Variants in SWAP70 observed in about 807,000 individuals in gnomAD.
The protein encoded by SWAP70 is switching B cell complex subunit SWAP70, also known as switch-associated protein 70.
A neutral mutation model predicts 80.2 loss-of-function variants in SWAP70; 34 were observed. The observed-to-expected ratio is 0.42, with a 90% CI of 0.32 to 0.56. The LOEUF (loss-of-function observed/expected upper bound fraction) is 0.56. SWAP70 is among the 20% of genes least tolerant of loss of function. SWAP70 has a pLI of 0.09. For missense variants in SWAP70, 578 were observed against 690.7 expected, an observed-to-expected ratio of 0.84 and a Z score of 1.83; for synonymous variants, 239 against 238.5, an observed-to-expected ratio of 1.00 and a Z score of -0.02.
intron 4 of SWAP70, chr11:9,726,802 T>G: frequency 2.2e-6 from 1 of 450,844 alleles, no homozygotes; most frequent in South Asian, 1.6e-5. Flanking sequence ...GTCACACACC[T>G]TTGAGGCCAG....
At chr11:9,698,011 C>A (rs998589667) in intron 2 of SWAP70, among the ~76,000 whole-genome samples, 12 of 152,012 alleles carry the variant, frequency 7.9e-5, no homozygotes, top group Admixed American at 7.9e-4. Flanking sequence ...GTCTTGAACT[C>A]CTGCCCTCAT....
Position 9,732,651 on chromosome 11 carries a change from A to G in SWAP70, c.1021A>G (p.Met341Val), listed in dbSNP as rs1590043818. The change falls in exon 7 of 12, where the codon ATG (methionine) becomes GTG (valine). Residue 341 changes from methionine (M) to valine (V), a missense_variant. Transcript: ENST00000318950. ...LAEQEELERQ[M>V]KELQAANESK... ...TGAACAAGAGGAACTGGAGCGACAAATGAAGGAACTCCAGGCCGCCAACGA... is the reference window on the plus strand; with the variant it reads ...TGAACAAGAGGAACTGGAGCGACAAGTGAAGGAACTCCAGGCCGCCAACGA... 3 of 1,573,566 alleles carry G rather than the reference A, an allele frequency of 1.9e-6. No individual in the cohort carries two copies. The highest frequency in any genetic ancestry group is 3.7e-5 in the Admixed American group (2 of 54,750).
At chr11:9,696,939 T>C (rs4993191) in intron 2 of SWAP70, among the ~76,000 whole-genome samples, 101,806 of 151,974 alleles carry the variant, frequency 0.67, 34,450 homozygotes, top group South Asian at 0.85. Context: ...CAGCTGGGCA[T>C]GGTGGCTTAT....
intron 1 of SWAP70, among the ~76,000 whole-genome samples, chr11:9,671,529 T>G (rs1334095649): frequency 1.3e-4 from 11 of 84,256 alleles, no homozygotes; most frequent in Admixed American, 6.3e-4. Context: ...TATAAATATA[T>G]AAATATATAG....
rs1024994728 is a variant in SWAP70 at position 9,664,189 on chromosome 11, T to C, written c.10T>C (p.Leu4=). 2.5e-6 allele frequency: 4 copies of C among 1,581,492 alleles called. No individual in the cohort carries two copies. In the African/African-American group the frequency reaches 4.1e-5, roughly 16 times the overall value. MGS[L]KEELLKAIWH... is the part of the protein sequence containing the mutation. ...CAGCAGGGCCGCGGCCATGGGGAGC[T>C]TGAAGGAGGAGCTGCTCAAAGCCAT... Residue 4 remains leucine (L), a synonymous_variant, in exon 1 of 12, where the codon TTG becomes CTG. Transcript: ENST00000318950.
At position 9,749,851 on chromosome 11, in the gene SWAP70, G is replaced by A; in HGVS notation, c.1652-13G>A. 2 of 1,555,968 alleles carry A rather than the reference G, an allele frequency of 1.3e-6. No individual in the cohort carries two copies. The highest frequency in any genetic ancestry group is 1.8e-6 in the Non-Finnish European group (2 of 1,127,434). On this transcript the variant is annotated splice_polypyrimidine_tract_variant and intron_variant, in intron 11 of 11. Transcript: ENST00000318950. The stretch of plus-strand genomic sequence containing the variant: ...ATAATACTTCCTGTATTTAAAGCAT[G>A]TTTGCCTCTTAGGTTCAAAGAACCC...
intron 1 of SWAP70, among the ~76,000 whole-genome samples, chr11:9,685,242 G>A (rs961592245): frequency 9.2e-5 from 14 of 151,976 alleles, no homozygotes; most frequent in Non-Finnish European, 1.6e-4. Context: ...CATGCTTTGT[G>A]GGTGGCTCAG....
chr11:9,696,443 GT>G (rs1850757988), intron 2 of SWAP70, among the ~76,000 whole-genome samples: 1 of 152,154 alleles, frequency 6.6e-6, no homozygotes, highest in Admixed American at 6.5e-5. Context: ...AGTAACCAGT[GT>G]TAATAATTTA....
At chr11:9,725,230 G>A (rs1851193384) in intron 4 of SWAP70, among the ~76,000 whole-genome samples, 2 of 151,762 alleles carry the variant, frequency 1.3e-5, no homozygotes, top group East Asian at 3.9e-4. Flanking sequence ...CACCCACGTC[G>A]GCCTCCCAAA....
chr11:9,686,574 C>A (rs1850635816), intron 1 of SWAP70, among the ~76,000 whole-genome samples: 1 of 151,884 alleles, frequency 6.6e-6, no homozygotes, highest in Non-Finnish European at 1.5e-5. Context: ...GTCTTGAACT[C>A]CTGGGCTCAA....
chr11:9,715,073 CAG>C (rs1590034258), intron 3 of SWAP70, among the ~76,000 whole-genome samples: 1 of 150,098 alleles, frequency 6.7e-6, no homozygotes, highest in Non-Finnish European at 1.5e-5. Flanking sequence ...CTCCTGGGCT[CAG>C]GGGATCCTCC....
At chr11:9,735,178 G>A (rs755396597) in intron 7 of SWAP70, among the ~76,000 whole-genome samples, 93 of 151,952 alleles carry the variant, frequency 6.1e-4, no homozygotes, top group Non-Finnish European at 9.9e-4. Context: ...CCCCACTTAT[G>A]AATTTCCACC....
intron 2 of SWAP70, among the ~76,000 whole-genome samples, chr11:9,702,501 T>A (rs1850846181): frequency 6.6e-6 from 1 of 151,902 alleles, no homozygotes; most frequent in Non-Finnish European, 1.5e-5. Context: ...AACCTTGCCC[T>A]GCTGGTCTCA....
At position 9,674,153 on chromosome 11, in the gene SWAP70, G is replaced by C. The variant is rs547430724; in HGVS notation, c.99+9875G>C. 2.3e-3 allele frequency among the ~76,000 whole-genome samples: 350 copies of C among 152,064 alleles called. 1 individual carries two copies. The highest frequency in any genetic ancestry group is 8.0e-3 in the African/African-American group (331 of 41,484). Reference sequence around the variant, plus strand: ...TGACCTCAAGTGATCTGCCCACCTCGGCCTCCCAAAGTGCTGGGATTACAG... The same window carrying C: ...TGACCTCAAGTGATCTGCCCACCTCCGCCTCCCAAAGTGCTGGGATTACAG... On this transcript the variant is annotated intron_variant, in intron 1 of 11. Coordinates refer to ENST00000318950, the MANE Select transcript of SWAP70 (RefSeq NM_015055.4).
chr11:9,731,539 G>A (rs1208695710), intron 6 of SWAP70, among the ~76,000 whole-genome samples: 2 of 152,216 alleles, frequency 1.3e-5, no homozygotes, highest in Non-Finnish European at 1.5e-5. Flanking sequence ...GGTTGAATAA[G>A]TTATGGTTTA....
intron 5 of SWAP70, 78 bp downstream of exon 5, chr11:9,728,277 C>T (rs1350238062): frequency 2.2e-6 from 3 of 1,368,472 alleles, no homozygotes; most frequent in East Asian, 2.6e-5. Context: ...CCTTCTTCCA[C>T]CTAGACTCTA....
At chr11:9,686,344 C>CTTATTTATTTATTAAT (rs1554983883) in intron 1 of SWAP70, among the ~76,000 whole-genome samples, 1 of 143,830 alleles carries the variant, frequency 7.0e-6, no homozygotes, top group Non-Finnish European at 1.5e-5. Flanking sequence ...CTTTTATTTT[C>CTTATTTATTTATTAAT]TTATTTATTT....
intron 1 of SWAP70, among the ~76,000 whole-genome samples, chr11:9,675,760 T>C (rs1327267216): frequency 5.3e-5 from 8 of 152,016 alleles, no homozygotes; most frequent in Admixed American, 1.3e-4. Context: ...CTGGGCATCT[T>C]CCTGGCAATC....
intron 2 of SWAP70, chr11:9,703,458 A>T (rs887676402): frequency 2.2e-6 from 1 of 456,026 alleles, no homozygotes; most frequent in African/African-American, 2.0e-5. Context: ...TGTAAGGCCA[A>T]CTCCGCCCAT....
Sources: gnomAD v4.1 joint callset for allele counts (sites outside exome capture counted in the v4.1 genomes callset) on GRCh38, gnomAD v4.1.1 for gene constraint, MANE v1.5 for transcripts, NCBI Gene and HGNC (gene_info 2026-07-23, HGNC 2026-07-21) for gene names.